Variants in TMPRSS11D observed in about 807,000 individuals in gnomAD.
TMPRSS11D encodes transmembrane protease serine 11D.
A neutral mutation model predicts 44.4 loss-of-function variants in TMPRSS11D; 32 were observed. The ratio of observed to expected loss-of-function variants is 0.72; its 90% CI spans 0.54 to 0.97. The LOEUF (loss-of-function observed/expected upper bound fraction) is 0.97, where lower values mean the gene tolerates loss of function less well. Ranked by LOEUF, TMPRSS11D falls within the 50% of genes least tolerant of loss-of-function variation. TMPRSS11D has a pLI of 0.00. For missense variants in TMPRSS11D, 446 were observed against 502.6 expected (o/e 0.89, Z 1.08); for synonymous variants, 179 against 177.9 (o/e 1.01, Z -0.05).
intron 3 of TMPRSS11D, among the ~76,000 whole-genome samples, chr4:67,843,186 CT>C (rs1718275328): frequency 1.0e-5 from 1 of 100,466 alleles, no homozygotes; most frequent in Non-Finnish European, 2.0e-5. Flanking sequence ...TTGGTAATTT[CT>C]TTTTTATTTT....
chr4:67,828,507 T>A (rs1717863207), intron 7 of TMPRSS11D, among the ~76,000 whole-genome samples: 2 of 152,116 alleles, frequency 1.3e-5, no homozygotes, highest in African/African-American at 4.8e-5. Flanking sequence ...AACAATTAAC[T>A]GTGAGAAACA....
chr4:67,828,426 C>T (rs777536824), intron 7 of TMPRSS11D, among the ~76,000 whole-genome samples: 6 of 152,058 alleles, frequency 3.9e-5, no homozygotes, highest in Non-Finnish European at 8.8e-5. Context: ...GAGGGTGAAG[C>T]CCGCAGCAAC....
At chr4:67,838,137 T>C (rs768928161) in intron 5 of TMPRSS11D, 35 bp downstream of exon 5, 39 of 1,460,272 alleles carry the variant, frequency 2.7e-5, no homozygotes, top group Non-Finnish European at 3.4e-5. Flanking sequence ...GAGGGATATA[T>C]TGAAATAAAA....
chr4:67,866,181 G>C (rs539787069), intron 1 of TMPRSS11D, among the ~76,000 whole-genome samples: 42 of 152,088 alleles, frequency 2.8e-4, no homozygotes, highest in African/African-American at 9.6e-4. Flanking sequence ...AGGGATGCAA[G>C]TATGATTCAA....
At chr4:67,861,187 A>T (rs1489945747) in intron 1 of TMPRSS11D, among the ~76,000 whole-genome samples, 1 of 152,136 alleles carries the variant, frequency 6.6e-6, no homozygotes, top group African/African-American at 2.4e-5. Flanking sequence ...TCATTTTGCT[A>T]CACTAGTGAA....
intron 1 of TMPRSS11D, among the ~76,000 whole-genome samples, chr4:67,867,295 C>T (rs10004555): frequency 0.71 from 107,838 of 151,862 alleles, 38,569 homozygotes; most frequent in Middle Eastern, 0.76. Context: ...AAGAATAAAA[C>T]TGGACCTCTA....
intron 1 of TMPRSS11D, among the ~76,000 whole-genome samples, chr4:67,877,773 A>AT (rs771676595): frequency 3.7e-4 from 56 of 152,284 alleles, no homozygotes; most frequent in Non-Finnish European, 6.0e-4. Flanking sequence ...CTTCTTAGAC[A>AT]TATCTCAAGT....
At chr4:67,840,480 C>G (rs1186045827) in intron 4 of TMPRSS11D, among the ~76,000 whole-genome samples, 2 of 152,084 alleles carry the variant, frequency 1.3e-5, no homozygotes, top group African/African-American at 4.8e-5. Flanking sequence ...TCCTCAAAAA[C>G]TTCACATAAT....
At chr4:67,824,156 G>T (rs1972895) in intron 9 of TMPRSS11D, among the ~76,000 whole-genome samples, 120,360 of 148,556 alleles carry the variant, frequency 0.81, 49,308 homozygotes, top group Middle Eastern at 0.91. Flanking sequence ...TTTTTTTTAA[G>T]TGTGAACTAT....
intron 8 of TMPRSS11D, 93 bp from the exon 9 acceptor site, chr4:67,825,967 A>G: frequency 7.5e-7 from 1 of 1,337,990 alleles, no homozygotes; most frequent in South Asian, 1.9e-5. Flanking sequence ...TGTACTCCAA[A>G]CATTATTTCA....
intron 3 of TMPRSS11D, among the ~76,000 whole-genome samples, chr4:67,849,988 T>A (rs1718454356): frequency 6.6e-6 from 1 of 152,192 alleles, no homozygotes; most frequent in Non-Finnish European, 1.5e-5. Flanking sequence ...TCATTTTAAA[T>A]GTTCAAAGTG....
chr4:67,874,677 A>G (rs1031521540), intron 1 of TMPRSS11D, among the ~76,000 whole-genome samples: 1 of 152,204 alleles, frequency 6.6e-6, no homozygotes. Flanking sequence ...ATAAATAAAA[A>G]TCTATTAATA....
At chr4:67,877,574 A>C (rs1049265243) in intron 1 of TMPRSS11D, among the ~76,000 whole-genome samples, 3 of 152,164 alleles carry the variant, frequency 2.0e-5, no homozygotes, top group Non-Finnish European at 4.4e-5. Flanking sequence ...TGCAAAGCTG[A>C]ATTGATCATC....
At chr4:67,864,517 A>C (rs2109693709) in intron 1 of TMPRSS11D, among the ~76,000 whole-genome samples, 1 of 152,112 alleles carries the variant, frequency 6.6e-6, no homozygotes, top group South Asian at 2.1e-4. Flanking sequence ...AAATGGCAAT[A>C]TGACAGAACT....
intron 1 of TMPRSS11D, among the ~76,000 whole-genome samples, chr4:67,871,345 C>T (rs774283330): frequency 1.4e-4 from 22 of 152,120 alleles, no homozygotes; most frequent in Non-Finnish European, 2.9e-4. Context: ...TCCTCATATG[C>T]TGTATATCTT....
At chr4:67,872,252 G>A (rs138003844) in intron 1 of TMPRSS11D, among the ~76,000 whole-genome samples, 208 of 152,152 alleles carry the variant, frequency 1.4e-3, no homozygotes, top group African/African-American at 4.8e-3. Flanking sequence ...TCTGGATTTA[G>A]TTTCCAAATA....
At chr4:67,867,178 C>G (rs1222878686) in intron 1 of TMPRSS11D, among the ~76,000 whole-genome samples, 5 of 151,974 alleles carry the variant, frequency 3.3e-5, no homozygotes, top group African/African-American at 1.2e-4. Flanking sequence ...AATAAAGCCA[C>G]TTACCTACAG....
At chr4:67,838,144 A>G in intron 5 of TMPRSS11D, 28 bp downstream of exon 5, 1 of 1,472,516 alleles carries the variant, frequency 6.8e-7, no homozygotes, top group Non-Finnish European at 9.0e-7. Context: ...ATATTGAAAT[A>G]AAATTGTTTA....
Position 67,835,072 on chromosome 4 carries a change from T to C in TMPRSS11D, c.514+11A>G. On this transcript the variant is annotated intron_variant, in intron 6 of 9. Coordinates refer to ENST00000283916, the MANE Select transcript of TMPRSS11D (RefSeq NM_004262.3). ...GGCAAATTACAGTTACAAAATAATA[T>C]TAAAACTTACCATTAATAAGCCAAT... 6.2e-7 allele frequency: 1 copy of C among 1,611,494 alleles called. No homozygotes were observed. The highest frequency in any genetic ancestry group is 8.5e-7 in the Non-Finnish European group (1 of 1,178,100).
Sources: gnomAD v4.1 joint callset for allele counts (sites outside exome capture counted in the v4.1 genomes callset) on GRCh38, gnomAD v4.1.1 for gene constraint, MANE v1.5 for transcripts, NCBI Gene and HGNC (gene_info 2026-07-23, HGNC 2026-07-21) for gene names.